Variants in DCTN4 observed in about 807,000 individuals in gnomAD.
The protein encoded by DCTN4 is dynactin 4 (p62).
DCTN4 carries 23 observed loss-of-function variants against 62.7 expected under a neutral mutation model. That is an observed-to-expected ratio of 0.37 (90% CI 0.26 to 0.52). DCTN4 has a LOEUF of 0.52. DCTN4 is among the 20% of genes least tolerant of loss of function. The pLI, the probability that DCTN4 is intolerant of heterozygous loss-of-function variation, is 0.92. For missense variants in DCTN4, 514 were observed against 580.4 expected, an observed-to-expected ratio of 0.89 and a Z score of 1.18; for synonymous variants, 199 against 202.1, an observed-to-expected ratio of 0.98 and a Z score of 0.13.
At chr5:150,732,973 C>T (rs1022044085) in intron 5 of DCTN4, among the ~76,000 whole-genome samples, 2 of 152,108 alleles carry the variant, frequency 1.3e-5, no homozygotes, top group African/African-American at 4.8e-5. Flanking sequence ...GCTGAGAAAC[C>T]ACTACTGCCA....
intron 3 of DCTN4, among the ~76,000 whole-genome samples, chr5:150,744,457 T>C (rs11959285): frequency 2.0e-5 from 3 of 151,920 alleles, no homozygotes; most frequent in Admixed American, 2.0e-4. Context: ...AAGATACTCC[T>C]CAAGAAGAGC....
chr5:150,731,929 CAGGTTGCAACAG>C, intron 5 of DCTN4: 1 of 1,551,322 alleles, frequency 6.4e-7, no homozygotes, highest in Non-Finnish European at 8.7e-7. Context: ...AAAATAGCAG[CAGGTTGCAACAG>C]AGACAAAAAA....
rs114959688 is a variant in DCTN4, at chr5:150,713,830, A to C, written c.1169+1735T>G. 9.6e-3 allele frequency among the ~76,000 whole-genome samples: 1,453 copies of C among 152,104 alleles called. 24 individuals are homozygous for C. The highest frequency in any genetic ancestry group is 0.033 in the African/African-American group (1,376 of 41,540). ...TTTGATCATTCTGTCAAAAAACCGT[A>C]AATGGGCCAGGCATGGTGGCTCACG... On this transcript the variant is annotated intron_variant, in intron 12 of 12. Transcript: ENST00000447998.
chr5:150,717,052 A>G (rs1388093863), intron 11 of DCTN4, among the ~76,000 whole-genome samples: 3 of 152,220 alleles, frequency 2.0e-5, no homozygotes, highest in Non-Finnish European at 4.4e-5. Flanking sequence ...TATTATTTGA[A>G]TAAGAACTAA....
chr5:150,741,834 G>A (rs1010054414), intron 4 of DCTN4, among the ~76,000 whole-genome samples: 1 of 152,186 alleles, frequency 6.6e-6, no homozygotes, highest in Non-Finnish European at 1.5e-5. Context: ...TAACTCACTG[G>A]TGGGTTGTGT....
intron 10 of DCTN4, among the ~76,000 whole-genome samples, chr5:150,718,793 T>C (rs1759860969): frequency 6.6e-6 from 1 of 152,166 alleles, no homozygotes; most frequent in Non-Finnish European, 1.5e-5. Context: ...ACACCAAGAC[T>C]ACAAAAACTT....
intron 8 of DCTN4, among the ~76,000 whole-genome samples, chr5:150,726,953 A>C (rs566638671): frequency 1.3e-5 from 2 of 152,302 alleles, no homozygotes; most frequent in African/African-American, 4.8e-5. Flanking sequence ...TTTACATGAA[A>C]AGTTGTCTGT....
chr5:150,725,335 G>A (rs1760104576), intron 8 of DCTN4, among the ~76,000 whole-genome samples: 1 of 151,614 alleles, frequency 6.6e-6, no homozygotes, highest in Non-Finnish European at 1.5e-5. Context: ...CTTTTGGTAG[G>A]TATTACTATA....
intron 3 of DCTN4, among the ~76,000 whole-genome samples, chr5:150,753,049 T>C (rs887514400): frequency 1.3e-5 from 2 of 152,098 alleles, no homozygotes; most frequent in Non-Finnish European, 2.9e-5. Context: ...TATTTTTTAG[T>C]AGAGACGGGG....
intron 6 of DCTN4, 31 bp downstream of exon 6, chr5:150,731,385 C>T: frequency 6.4e-7 from 1 of 1,571,424 alleles, no homozygotes; most frequent in Non-Finnish European, 8.7e-7. Context: ...ACCTGCTGTT[C>T]TCCTCAAAGT....
In DCTN4 at chr5:150,711,211, C is replaced by T. The variant is rs776186410; in HGVS notation, c.1321G>A (p.Gly441Arg). 37 of 1,612,586 alleles carry T rather than the reference C, an allele frequency of 2.3e-5. No homozygotes were observed. Among genetic ancestry groups the T allele is most frequent in the Non-Finnish European group, 3.1e-5 (37 of 1,180,028 alleles). The change falls in exon 13 of 13, where the codon GGA (glycine) becomes AGA (arginine). Residue 441 changes from glycine (G) to arginine (R), a missense_variant. Coordinates refer to ENST00000447998, the MANE Select transcript of DCTN4 (RefSeq NM_016221.4). ...TGGGTGAGCCAGATGACTTCTGTTC[C>T]CTGGTCACTTTCTTCAATGGGGCGA... ...PIRPIEESDQGTEVIWLTQHV... is the reference protein window; with the variant it reads ...PIRPIEESDQRTEVIWLTQHV...
chr5:150,742,201 AATTTT>A, intron 3 of DCTN4, 44 bp from the exon 4 acceptor site: 1 of 1,590,392 alleles, frequency 6.3e-7, no homozygotes, highest in South Asian at 1.1e-5. Flanking sequence ...ATAATGTGAT[AATTTT>A]ATTTTCATAA....
chr5:150,745,341 G>A (rs2113117245), intron 3 of DCTN4, among the ~76,000 whole-genome samples: 1 of 151,426 alleles, frequency 6.6e-6, no homozygotes, highest in African/African-American at 2.4e-5. Flanking sequence ...CAATAATAAT[G>A]GGAGACTTTA....
At chr5:150,738,653 T>C (rs766274613) in intron 4 of DCTN4, among the ~76,000 whole-genome samples, 3 of 152,144 alleles carry the variant, frequency 2.0e-5, no homozygotes, top group Admixed American at 6.5e-5. Context: ...GAGCCAACAT[T>C]ATACTGAACA....
At chr5:150,727,632 C>A (rs1251626742) in intron 8 of DCTN4, among the ~76,000 whole-genome samples, 1 of 151,410 alleles carries the variant, frequency 6.6e-6, no homozygotes, top group South Asian at 2.1e-4. Flanking sequence ...AAAAATTAGC[C>A]GGGCGTGGTG....
rs1759464838 is a variant in DCTN4, at chr5:150,708,867, C to T, written c.*2282G>A. 6.5e-6 allele frequency: 1 copy of T among 152,822 alleles called. No homozygotes were observed. The highest frequency in any genetic ancestry group is 6.5e-5 in the Admixed American group (1 of 15,288). The allele number at this position is 152,822 out of a possible 1,614,324, so 9.5% of individuals were successfully genotyped here. A position where few individuals can be genotyped will look rare whatever the true frequency, so the allele number is the denominator to read the frequency against. ...CCAAAAGGGACCAAAAAGGGTGTTT[C>T]TTCACAAATATGCATGACACTTAGC... On this transcript the variant is annotated 3_prime_UTR_variant, in exon 13 of 13. Transcript: ENST00000447998.
At chr5:150,744,285 CTA>C (rs1391553828) in intron 3 of DCTN4, among the ~76,000 whole-genome samples, 14 of 151,848 alleles carry the variant, frequency 9.2e-5, no homozygotes, top group Admixed American at 8.5e-4. Flanking sequence ...AAATATGGGA[CTA>C]TGTGAAAAGA....
rs73278027 is a variant in DCTN4 at position 150,715,726 on chromosome 5, C to T, written c.1072-64G>A. On this transcript the variant is annotated intron_variant, in intron 11 of 12. Transcript: ENST00000447998. Reference sequence around the variant, plus strand: ...CAGTGTGACAGAATATAGCAAAGTACGACATTGATTTAGACAAATGGAAGC... The same window carrying T: ...CAGTGTGACAGAATATAGCAAAGTATGACATTGATTTAGACAAATGGAAGC... The T allele has an allele frequency of 1.7e-3, 2,296 of 1,317,798 alleles. 31 individuals carry two copies. In the African/African-American group the frequency reaches 0.029, roughly 17 times the overall value. The allele number at this position is 1,317,798 out of a possible 1,614,324, so 81.6% of individuals were successfully genotyped here.
chr5:150,713,317 T>C (rs1759636008), intron 12 of DCTN4, among the ~76,000 whole-genome samples: 1 of 152,200 alleles, frequency 6.6e-6, no homozygotes, highest in Non-Finnish European at 1.5e-5. Context: ...CCTCTGGGGT[T>C]AGGGTCTGGA....
Sources: gnomAD v4.1 joint callset for allele counts (sites outside exome capture counted in the v4.1 genomes callset) on GRCh38, gnomAD v4.1.1 for gene constraint, MANE v1.5 for transcripts, NCBI Gene and HGNC (gene_info 2026-07-23, HGNC 2026-07-21) for gene names.